Variants in NSDHL observed in about 807,000 individuals in gnomAD.
The protein encoded by NSDHL is sterol-4-alpha-carboxylate 3-dehydrogenase, decarboxylating.
In NSDHL, 1 loss-of-function variant was observed where a neutral mutation model predicts 23.0. That is an observed-to-expected ratio of 0.04 (90% confidence interval 0.02 to 0.21). NSDHL has a LOEUF of 0.21. NSDHL is among the 10% of genes least tolerant of loss of function. The pLI, the probability that NSDHL is intolerant of heterozygous loss-of-function variation, is 1.00. For missense variants in NSDHL, 237 were observed against 300.9 expected (o/e 0.79, Z 1.57); for synonymous variants, 128 against 121.1 (o/e 1.06, Z -0.37).
At chrX:152,855,047 T>C (rs1282276848) in intron 3 of NSDHL, among the ~76,000 whole-genome samples, 4 of 106,499 alleles carry the variant, frequency 3.8e-5, no homozygotes, top group African/African-American at 1.0e-4. Flanking sequence ...CAGGCTGTAG[T>C]GCAGTGGCGT....
intron 5 of NSDHL, among the ~76,000 whole-genome samples, chrX:152,865,281 A>G (rs1292342687): frequency 9.0e-6 from 1 of 111,618 alleles, no homozygotes; most frequent in African/African-American, 3.3e-5. Flanking sequence ...CTCCCCAGGC[A>G]TGGTCTTCAG....
At chrX:152,838,329 A>G (rs1235979244) in intron 1 of NSDHL, among the ~76,000 whole-genome samples, 2 of 110,247 alleles carry the variant, frequency 1.8e-5, no homozygotes, top group African/African-American at 3.3e-5. Context: ...GTTATTTCTT[A>G]CCTTCTGCTA....
At chrX:152,857,926 TTGTC>T (rs782051173) in intron 3 of NSDHL, among the ~76,000 whole-genome samples, 16 of 112,585 alleles carry the variant, frequency 1.4e-4, no homozygotes, top group African/African-American at 4.8e-4. Context: ...ATTGTCATAA[TTGTC>T]TTTTGGTGAC....
chrX:152,848,554 T>C (rs1556845892), intron 2 of NSDHL, among the ~76,000 whole-genome samples: 2 of 112,820 alleles, frequency 1.8e-5, no homozygotes, highest in African/African-American at 6.4e-5. Flanking sequence ...AATCGTGAAA[T>C]GAAATCACAC....
chrX:152,850,063 C>T (rs1034116627), intron 2 of NSDHL, among the ~76,000 whole-genome samples: 3 of 112,172 alleles, frequency 2.7e-5, no homozygotes, highest in Non-Finnish European at 5.6e-5. Flanking sequence ...CTCTTCCCTC[C>T]TTACTGATCC....
Position 152,865,812 on chromosome X carries a change from C to G in NSDHL, c.544-7C>G. 1 of 1,212,427 alleles carries G rather than the reference C, an allele frequency of 8.2e-7. No individual in the cohort carries two copies. Among genetic ancestry groups the G allele is most frequent in the Non-Finnish European group, 1.1e-6 (1 of 895,560 alleles). Reference sequence around the variant, plus strand: ...ATGGACGTGCCCCTTCTCCCACTCTCCTCCAGGCAGTTCTGGGCGCCAACG... The same window carrying G: ...ATGGACGTGCCCCTTCTCCCACTCTGCTCCAGGCAGTTCTGGGCGCCAACG... On this transcript the variant is annotated splice_region_variant and splice_polypyrimidine_tract_variant and intron_variant, in intron 5 of 7. Coordinates refer to ENST00000370274, the MANE Select transcript of NSDHL (RefSeq NM_015922.3).
At chrX:152,867,829 T>A (rs782274904) in intron 7 of NSDHL, among the ~76,000 whole-genome samples, 156 bp downstream of exon 7, 1 of 112,218 alleles carries the variant, frequency 8.9e-6, no homozygotes, top group East Asian at 2.8e-4. Flanking sequence ...TGATAGAGCA[T>A]GTGGTGTCAC....
At chrX:152,834,590 T>C (rs2125000751) in intron 1 of NSDHL, among the ~76,000 whole-genome samples, 1 of 112,634 alleles carries the variant, frequency 8.9e-6, no homozygotes, top group Non-Finnish European at 1.9e-5. Flanking sequence ...TTGTTGTTCC[T>C]ACAGGGCTCC....
chrX:152,849,537 A>G (rs1933323728), intron 2 of NSDHL, among the ~76,000 whole-genome samples: 1 of 112,559 alleles, frequency 8.9e-6, no homozygotes, highest in South Asian at 3.7e-4. Context: ...TACCCAAGGA[A>G]TCGTGTGTGT....
intron 2 of NSDHL, among the ~76,000 whole-genome samples, chrX:152,848,201 A>C (rs938235349): frequency 6.3e-5 from 7 of 111,562 alleles, no homozygotes; most frequent in African/African-American, 2.0e-4. Context: ...TTGATCTTAT[A>C]ACTCACCTCA....
chrX:152,839,842 G>A (rs927086774), intron 1 of NSDHL, among the ~76,000 whole-genome samples: 1 of 112,068 alleles, frequency 8.9e-6, no homozygotes, highest in Non-Finnish European at 1.9e-5. Flanking sequence ...TTGAATGTTG[G>A]CCTGCCTTGC....
chrX:152,835,561 G>A (rs181649973), intron 1 of NSDHL, among the ~76,000 whole-genome samples: 2,899 of 103,102 alleles, frequency 0.028, 93 homozygotes, highest in African/African-American at 0.098. Flanking sequence ...TTGGTTATCT[G>A]TCCTTGTGAT....
chrX:152,851,927 C>A (rs1214079059), intron 3 of NSDHL, among the ~76,000 whole-genome samples: 1 of 111,183 alleles, frequency 9.0e-6, no homozygotes, highest in Admixed American at 9.6e-5. Context: ...CCTGTCATCA[C>A]CAGTAAGCAC....
intron 4 of NSDHL, 41 bp downstream of exon 4, chrX:152,858,957 A>T: frequency 3.5e-6 from 4 of 1,139,325 alleles, no homozygotes; most frequent in Non-Finnish European, 4.8e-6. Flanking sequence ...GGAGCACGTG[A>T]TGGCCCTTTC....
Position 152,831,082 on chromosome X carries a change from C to T in NSDHL, c.-79C>T. 3.3e-6 allele frequency: 1 copy of T among 302,597 alleles called. No homozygotes were observed. The highest frequency in any genetic ancestry group is 4.8e-5 in the East Asian group (1 of 21,020). The allele number at this position is 302,597 out of a possible 1,213,427, so 24.9% of individuals were successfully genotyped here. ...GAGTTCAGTGGGTGCAGCCTGCTTGCGAGCTGAGGCCAGACAGGGGGGCGC... is the reference window on the plus strand; with the variant it reads ...GAGTTCAGTGGGTGCAGCCTGCTTGTGAGCTGAGGCCAGACAGGGGGGCGC... On this transcript the variant is annotated 5_prime_UTR_variant, in exon 1 of 8. Transcript: ENST00000370274.
intron 4 of NSDHL, among the ~76,000 whole-genome samples, chrX:152,860,704 A>G (rs1187036733): frequency 9.0e-6 from 1 of 110,512 alleles, no homozygotes; most frequent in African/African-American, 3.3e-5. Flanking sequence ...ACAGAGCAAG[A>G]CCTTGTCTCT....
chrX:152,868,975 G>A lies in NSDHL; in HGVS notation c.981G>A (p.Met327Ile). The A allele has an allele frequency of 4.1e-6, 5 of 1,211,915 alleles. No homozygotes were observed. In the South Asian group the frequency reaches 8.8e-5, roughly 21 times the overall value. Reference protein sequence around the residue: ...VIQLQPTFTPMRVALAGTFHY... With the variant: ...VIQLQPTFTPIRVALAGTFHY... ...AGCTGCAGCCCACCTTCACACCCAT[G>A]CGGGTCGCACTGGCTGGCACATTCC... The change falls in exon 8 of 8, where the codon ATG (methionine) becomes ATA (isoleucine). Residue 327 changes from methionine to isoleucine, a missense_variant. Transcript: ENST00000370274.
intron 1 of NSDHL, among the ~76,000 whole-genome samples, chrX:152,839,069 T>G (rs1556844552): frequency 8.9e-6 from 1 of 112,326 alleles, no homozygotes; most frequent in African/African-American, 3.2e-5. Flanking sequence ...TCTTTGTCTC[T>G]TTTGATCTTT....
At chrX:152,854,810 A>G (rs1933414714) in intron 3 of NSDHL, among the ~76,000 whole-genome samples, 1 of 109,201 alleles carries the variant, frequency 9.2e-6, no homozygotes, top group South Asian at 4.2e-4. Flanking sequence ...ACTTGAGGCC[A>G]GGAGTTCAAG....
Sources: gnomAD v4.1 joint callset for allele counts (sites outside exome capture counted in the v4.1 genomes callset) on GRCh38, gnomAD v4.1.1 for gene constraint, MANE v1.5 for transcripts, NCBI Gene and HGNC (gene_info 2026-07-23, HGNC 2026-07-21) for gene names.